OIP5: variants seen among roughly 807,000 people sequenced by gnomAD.
OIP5 encodes the protein Opa interacting protein 5.
Under a neutral mutation model 20.3 loss-of-function variants are expected in OIP5, and 24 were observed. The ratio of observed to expected loss-of-function variants is 1.18; its 90% CI spans 0.86 to 1.66. The LOEUF is 1.66. Ranked by LOEUF, OIP5 falls within the 40% of genes most tolerant of loss-of-function variation. The pLI, the probability that OIP5 is intolerant of heterozygous loss-of-function variation, is 0.00. For missense variants in OIP5, 339 were observed against 289.5 expected, an observed-to-expected ratio of 1.17 and a Z score of -1.24; for synonymous variants, 143 against 121.3, an observed-to-expected ratio of 1.18 and a Z score of -1.17.
intron 2 of OIP5, among the ~76,000 whole-genome samples, chr15:41,321,355 T>TCTGCCCGGCCGCCC (rs2047826396): frequency 2.0e-5 from 3 of 149,818 alleles, no homozygotes; most frequent in Admixed American, 2.0e-4. Flanking sequence ...GATGGGCGCC[T>TCTGCCCGGCCGCCC]CTGCCCGGCC....
chr15:41,327,106 G>A (rs1181797959), intron 2 of OIP5, among the ~76,000 whole-genome samples: 3 of 151,396 alleles, frequency 2.0e-5, no homozygotes, highest in African/African-American at 7.3e-5. Context: ...AGAGTATAGA[G>A]GAAAATAATT....
At chr15:41,325,951 CAGG>C (rs2047859530) in intron 2 of OIP5, among the ~76,000 whole-genome samples, 1 of 152,012 alleles carries the variant, frequency 6.6e-6, no homozygotes, top group South Asian at 2.1e-4. Context: ...CACTTGAGGT[CAGG>C]AGTTCAGGAC....
chr15:41,323,654 A>C (rs928757531), intron 2 of OIP5, among the ~76,000 whole-genome samples: 1 of 152,086 alleles, frequency 6.6e-6, no homozygotes, highest in African/African-American at 2.4e-5. Flanking sequence ...AATTTTTCGT[A>C]GAGACAGGTT....
At chr15:41,328,731 T>G (rs1159035226) in intron 2 of OIP5, among the ~76,000 whole-genome samples, 1 of 152,020 alleles carries the variant, frequency 6.6e-6, no homozygotes, top group Non-Finnish European at 1.5e-5. Flanking sequence ...TATGACAGAT[T>G]GAGAGGGATC....
At chr15:41,325,774 C>T (rs548892793) in intron 2 of OIP5, among the ~76,000 whole-genome samples, 3 of 147,130 alleles carry the variant, frequency 2.0e-5, no homozygotes, top group South Asian at 2.1e-4. Flanking sequence ...TGCTTGAACC[C>T]GGGATGTGGA....
At chr15:41,318,388 C>T (rs2047801723) in intron 3 of OIP5, among the ~76,000 whole-genome samples, 1 of 152,154 alleles carries the variant, frequency 6.6e-6, no homozygotes, top group South Asian at 2.1e-4. Flanking sequence ...TCTCGAACTC[C>T]TGACCTCAGG....
At position 41,313,279 on chromosome 15, in the gene OIP5, A is replaced by T. The variant is rs556561216; in HGVS notation, c.588T>A (p.Ile196=). 6.3e-7 allele frequency: 1 copy of T among 1,590,784 alleles called. No homozygotes were observed. Among genetic ancestry groups the T allele is most frequent in the South Asian group, 1.1e-5 (1 of 90,250 alleles). ...DIQNVPLSEK[I]AELKEKIVLT... ...AACCATCATGAAATTTTACCTCTGC[A>T]ATCTTTTCTGATAGAGGAACATTTT... is the stretch of plus-strand genomic sequence containing the variant. Residue 196 remains isoleucine (I), a synonymous_variant, in exon 4 of 5, where the codon ATT becomes ATA. Transcript: ENST00000220514.
chr15:41,321,449 C>A (rs1471024301), intron 2 of OIP5, among the ~76,000 whole-genome samples: 6 of 152,220 alleles, frequency 3.9e-5, no homozygotes, highest in African/African-American at 9.7e-5. Context: ...GAGAATGGGC[C>A]ATGATGACAA....
chr15:41,320,989 G>T (rs1241707723), intron 2 of OIP5, among the ~76,000 whole-genome samples: 3 of 151,678 alleles, frequency 2.0e-5, no homozygotes, highest in Non-Finnish European at 4.4e-5. Flanking sequence ...TGCCTGGGAG[G>T]TGAGGAGCGT....
chr15:41,311,749 G>A (rs910200956), intron 4 of OIP5, among the ~76,000 whole-genome samples: 2 of 151,834 alleles, frequency 1.3e-5, no homozygotes, highest in Admixed American at 1.3e-4. Context: ...AATTTTTCTA[G>A]TTTTAGTAGA....
At position 41,332,547 on chromosome 15, in the gene OIP5, C is replaced by A. The variant is rs1184159761; in HGVS notation, c.15G>T (p.Pro5=). 6.2e-7 allele frequency: 1 copy of A among 1,603,012 alleles called. No individual in the cohort carries two copies. Residue 5 remains proline (P), a synonymous_variant, in exon 1 of 5, where the codon CCG becomes CCT. Coordinates refer to ENST00000220514, the MANE Select transcript of OIP5 (RefSeq NM_007280.2). MAAQ[P]LRHRSRCATP... The stretch of plus-strand genomic sequence containing the variant: ...TTGCACAACGTGAGCGATGCCGCAG[C>A]GGCTGAGCCGCCATCTTCCCGCAGC...
chr15:41,316,807 A>C (rs2140460490), intron 3 of OIP5, among the ~76,000 whole-genome samples: 1 of 151,508 alleles, frequency 6.6e-6, no homozygotes, highest in African/African-American at 2.4e-5. Flanking sequence ...AAAAAAAAAA[A>C]AAAGACATGA....
intron 2 of OIP5, among the ~76,000 whole-genome samples, chr15:41,324,085 C>T (rs2047846891): frequency 6.8e-6 from 1 of 147,850 alleles, no homozygotes; most frequent in Non-Finnish European, 1.5e-5. Flanking sequence ...CTCGACCTCT[C>T]TGGGCTCAAG....
chr15:41,309,808 TG>T lies in OIP5; in HGVS notation c.635del (p.Ser212TyrfsTer2), dbSNP rs761977741. On this transcript the variant is annotated frameshift_variant, in exon 5 of 5. Coordinates refer to ENST00000220514, the MANE Select transcript of OIP5 (RefSeq NM_007280.2). LOFTEE classifies it high-confidence loss of function. ...TCACTTCACTCAGAATCTTCATTAGTGATTTTAAGCGATTGTGCGTTAGCAC... is the reference window on the plus strand; with the variant it reads ...TCACTTCACTCAGAATCTTCATTAGTATTTTAAGCGATTGTGCGTTAGCAC... Reference protein sequence around the residue: ...KIVLTHNRLKSLMKILSEVTP... With the variant: ...KIVLTHNRLKXLMKILSEVTP... 30 of 1,614,034 alleles carry T rather than the reference TG, an allele frequency of 1.9e-5. No individual in the cohort carries two copies. Among genetic ancestry groups the T allele is most frequent in the Admixed American group, 3.3e-5 (2 of 60,020 alleles).
intron 3 of OIP5, 21 bp from the exon 4 acceptor site, chr15:41,313,375 A>G (rs756171208): frequency 7.7e-7 from 1 of 1,298,076 alleles, no homozygotes; most frequent in Non-Finnish European, 1.1e-6. Context: ...AAAAAGAAAA[A>G]TATTAGTGTC....
At chr15:41,327,077 TAAA>T (rs199500490) in intron 2 of OIP5, among the ~76,000 whole-genome samples, 57 of 143,962 alleles carry the variant, frequency 4.0e-4, no homozygotes, top group African/African-American at 1.4e-3. Context: ...CTCCAGGAAT[TAAA>T]AAAAAAAAAA....
Position 41,309,571 on chromosome 15 carries a change from C to T in OIP5, c.*183G>A. ...GCAAATAGCTATAAAAGAGAAGAAT[C>T]CTTAGTCTCTCATCTTCTAAAAACA... is the stretch of plus-strand genomic sequence containing the variant. On this transcript the variant is annotated 3_prime_UTR_variant, in exon 5 of 5. Coordinates refer to ENST00000220514, the MANE Select transcript of OIP5 (RefSeq NM_007280.2). 2.1e-6 allele frequency: 1 copy of T among 482,240 alleles called. No homozygotes were observed. Among genetic ancestry groups the T allele is most frequent in the East Asian group, 3.4e-5 (1 of 29,194 alleles). The allele number at this position is 482,240 out of a possible 1,614,324, so 29.9% of individuals were successfully genotyped here. A position where few individuals can be genotyped will look rare whatever the true frequency, so the allele number is the denominator to read the frequency against.
chr15:41,319,656 A>T lies in OIP5; in HGVS notation c.512+2T>A. 1 of 1,612,066 alleles carries T rather than the reference A, an allele frequency of 6.2e-7. No individual in the cohort carries two copies. Among genetic ancestry groups the T allele is most frequent in the Non-Finnish European group, 8.5e-7 (1 of 1,179,220 alleles). ...TGATGATCAATATCTAAGTCTACTC[A>T]CCACACCATTTTGTCACTGGAAAGG... On this transcript the variant is annotated splice_donor_variant, in intron 3 of 4. Coordinates refer to ENST00000220514, the MANE Select transcript of OIP5 (RefSeq NM_007280.2). LOFTEE classifies it high-confidence loss of function.
At chr15:41,321,461 G>C (rs890758041) in intron 2 of OIP5, among the ~76,000 whole-genome samples, 1 of 152,244 alleles carries the variant, frequency 6.6e-6, no homozygotes, top group African/African-American at 2.4e-5. Flanking sequence ...TGATGACAAT[G>C]GCAGTTTTGT....
Sources: gnomAD v4.1 joint callset for allele counts (sites outside exome capture counted in the v4.1 genomes callset) on GRCh38, gnomAD v4.1.1 for gene constraint, MANE v1.5 for transcripts, NCBI Gene and HGNC (gene_info 2026-07-23, HGNC 2026-07-21) for gene names.